Variants in RASEF observed in about 807,000 individuals in gnomAD.
The protein encoded by RASEF is RAS and EF-hand domain containing, also known as ras and EF-hand domain-containing protein.
A neutral mutation model predicts 90.1 loss-of-function variants in RASEF; 68 were observed. The ratio of observed to expected loss-of-function variants is 0.75; its 90% CI spans 0.62 to 0.92. The LOEUF is 0.92. RASEF is among the 40% of genes least tolerant of loss of function. The pLI is 0.00. For missense variants in RASEF, 949 were observed against 937.2 expected, an observed-to-expected ratio of 1.01 and a Z score of -0.16; for synonymous variants, 331 against 345.2, an observed-to-expected ratio of 0.96 and a Z score of 0.46.
chr9:82,987,807 C>T (rs935782649), intron 16 of RASEF, among the ~76,000 whole-genome samples: 1 of 152,164 alleles, frequency 6.6e-6, no homozygotes, highest in African/African-American at 2.4e-5. Context: ...CCTCATTTTA[C>T]AGATTAGAGT....
chr9:83,081,422 T>C, the RASEF span, among the ~76,000 whole-genome samples: 1 of 152,176 alleles, frequency 6.6e-6, no homozygotes. Flanking sequence ...TTTTGTTTTA[T>C]AATTGTTCCT....
chr9:83,144,462 G>GAGAAA, the RASEF span, among the ~76,000 whole-genome samples: 4 of 149,180 alleles, frequency 2.7e-5, no homozygotes, highest in East Asian at 2.0e-4. Flanking sequence ...GAAAAGAGAA[G>GAGAAA]AGAAAAGAAA....
At position 83,048,237 on chromosome 9, in the gene RASEF, T is replaced by C. The variant is rs143259091; in HGVS notation, c.431+14200A>G. On this transcript the variant is annotated intron_variant, in intron 1 of 16. Transcript: ENST00000376447. ...CAGGGACCGGCAGTCCTATTGATGC[T>C]GGACTACAAAAGAAAGTTTTGGCAC... 115 of 985,342 alleles carry C rather than the reference T, an allele frequency of 1.2e-4. No homozygotes were observed. The African/African-American group carries it at 1.6e-3, about 14-fold the overall frequency. The allele number at this position is 985,342 out of a possible 1,614,324, so 61.0% of individuals were successfully genotyped here. A position where few individuals can be genotyped will look rare whatever the true frequency, so the allele number is the denominator to read the frequency against.
At chr9:83,089,945 G>GAT in the RASEF span, among the ~76,000 whole-genome samples, 216 of 138,870 alleles carry the variant, frequency 1.6e-3, 2 homozygotes, top group African/African-American at 5.2e-3. Context: ...TAGATAGATA[G>GAT]ATATAGATAT....
intron 12 of RASEF, among the ~76,000 whole-genome samples, chr9:82,999,800 C>G (rs1293688913): frequency 6.6e-6 from 1 of 152,094 alleles, no homozygotes; most frequent in South Asian, 2.1e-4. Flanking sequence ...GATGGGGTTT[C>G]GCCATGTTGG....
the RASEF span, among the ~76,000 whole-genome samples, chr9:83,156,028 C>A: frequency 1.3e-5 from 2 of 152,192 alleles, no homozygotes; most frequent in Non-Finnish European, 2.9e-5. Flanking sequence ...AGAATAATAT[C>A]TCTTTTGAAG....
the RASEF span, among the ~76,000 whole-genome samples, chr9:83,153,008 C>G: frequency 6.6e-6 from 1 of 152,160 alleles, no homozygotes; most frequent in African/African-American, 2.4e-5. Context: ...ATAAAATACT[C>G]TGTGCTGCTT....
chr9:83,077,689 A>G, the RASEF span, among the ~76,000 whole-genome samples: 87,028 of 152,064 alleles, frequency 0.57, 25,666 homozygotes, highest in East Asian at 0.78. Context: ...TGTTATCATC[A>G]TCATGTGTAT....
chr9:83,127,676 G>A, the RASEF span, among the ~76,000 whole-genome samples: 1 of 152,144 alleles, frequency 6.6e-6, no homozygotes, highest in Non-Finnish European at 1.5e-5. Context: ...CACAGATGGG[G>A]TTAGTTACAA....
At chr9:83,215,902 G>A in the RASEF span, among the ~76,000 whole-genome samples, 4 of 152,188 alleles carry the variant, frequency 2.6e-5, no homozygotes, top group Non-Finnish European at 5.9e-5. Flanking sequence ...AATGTTGATA[G>A]TGATATAGAC....
intron 1 of RASEF, chr9:83,048,657 G>C (rs1433477253): frequency 1.0e-6 from 1 of 985,306 alleles, no homozygotes; most frequent in Non-Finnish European, 1.2e-6. Context: ...CCTTGTTTAG[G>C]ATTGGGAGAT....
the RASEF span, among the ~76,000 whole-genome samples, chr9:83,167,352 A>T: frequency 7.6e-6 from 1 of 131,572 alleles, no homozygotes. Context: ...AAATCACCTG[A>T]AGTCTTTAGG....
the RASEF span, among the ~76,000 whole-genome samples, chr9:83,140,395 C>T: frequency 6.6e-6 from 1 of 152,300 alleles, no homozygotes; most frequent in East Asian, 1.9e-4. Flanking sequence ...TACACTGGCT[C>T]ATAGATAGAA....
intron 4 of RASEF, 57 bp downstream of exon 4, chr9:83,015,748 C>G: frequency 2.4e-6 from 3 of 1,253,124 alleles, no homozygotes; most frequent in Non-Finnish European, 3.5e-6. Context: ...TTGTTAATGG[C>G]TTAGATACCC....
chr9:83,073,680 A>C, the RASEF span, among the ~76,000 whole-genome samples: 1 of 152,260 alleles, frequency 6.6e-6, no homozygotes, highest in African/African-American at 2.4e-5. Context: ...GCCACTGTGC[A>C]TACAATTAAA....
Position 82,982,674 on chromosome 9 carries a change from G to C in RASEF, c.*3C>G, listed in dbSNP as rs1828630522. On this transcript the variant is annotated 3_prime_UTR_variant, in exon 17 of 17. Coordinates refer to ENST00000376447, the MANE Select transcript of RASEF (RefSeq NM_152573.4). Reference sequence around the variant, plus strand: ...GACTTCACAGGCCAAGGATGTTTGGGATTTAGCCATTGCAACAATTCTTCA... The same window carrying C: ...GACTTCACAGGCCAAGGATGTTTGGCATTTAGCCATTGCAACAATTCTTCA... 1 of 1,518,710 alleles carries C rather than the reference G, an allele frequency of 6.6e-7. No individual in the cohort carries two copies. Among genetic ancestry groups the C allele is most frequent in the African/African-American group, 1.4e-5 (1 of 72,974 alleles). The allele number at this position is 1,518,710 out of a possible 1,614,324, so 94.1% of individuals were successfully genotyped here. A position where few individuals can be genotyped will look rare whatever the true frequency, so the allele number is the denominator to read the frequency against.
chr9:83,084,602 A>C, the RASEF span, among the ~76,000 whole-genome samples: 1 of 152,194 alleles, frequency 6.6e-6, no homozygotes, highest in African/African-American at 2.4e-5. Context: ...TAAACTGTTA[A>C]AAAATATATC....
In RASEF at chr9:83,062,726, C is replaced by G. The variant is rs1830235621; in HGVS notation, c.142G>C (p.Glu48Gln). ...GCGTCCAGCCGCTGGAATACTGCCT[C>G]GGCGTCGGCCGGCCGCACCCGCAGC... ...TELRVRPADA[E>Q]AVFQRLDADR... Residue 48 changes from glutamate (E) to glutamine (Q), a missense_variant, in exon 1 of 17, where the codon GAG becomes CAG. By Grantham distance (29) the Glu-to-Gln change is conservative. Transcript: ENST00000376447. The G allele has an allele frequency of 6.4e-7, 1 of 1,572,262 alleles. No homozygotes were observed. Among genetic ancestry groups the G allele is most frequent in the African/African-American group, 1.3e-5 (1 of 74,240 alleles).
chr9:83,173,563 G>T, the RASEF span, among the ~76,000 whole-genome samples: 1 of 151,412 alleles, frequency 6.6e-6, no homozygotes, highest in African/African-American at 2.4e-5. Flanking sequence ...TGATTTTTCA[G>T]CTCCAGGATA....
Sources: gnomAD v4.1 joint callset for allele counts (sites outside exome capture counted in the v4.1 genomes callset) on GRCh38, gnomAD v4.1.1 for gene constraint, MANE v1.5 for transcripts, NCBI Gene and HGNC (gene_info 2026-07-23, HGNC 2026-07-21) for gene names.